The following POLR3B variants were observed in gnomAD, a reference collection of about 807,000 sequenced individuals.
POLR3B encodes RNA polymerase III subunit B, also known as DNA-directed RNA polymerase III subunit RPC2.
In POLR3B, 96 loss-of-function variants were observed where a neutral mutation model predicts 147.4. That is an observed-to-expected ratio of 0.65 (90% confidence interval 0.55 to 0.77). The LOEUF (loss-of-function observed/expected upper bound fraction) is 0.77, where lower values mean the gene tolerates loss of function less well. Ranked by LOEUF, POLR3B falls within the 30% of genes least tolerant of loss-of-function variation. The pLI, the probability that POLR3B is intolerant of heterozygous loss-of-function variation, is 0.00. For synonymous variants in POLR3B, 461 were observed against 485.9 expected (o/e 0.95, Z 0.67); for missense variants, 1,036 against 1,413.5 (o/e 0.73, Z 4.28).
chr12:106,433,600 A>G, intron 15 of POLR3B, 119 bp from the exon 16 acceptor site: 1 of 765,434 alleles, frequency 1.3e-6, no homozygotes, highest in Admixed American at 2.5e-5. Flanking sequence ...TGCAGGTGTT[A>G]ATAATGGTAT....
intron 12 of POLR3B, among the ~76,000 whole-genome samples, chr12:106,416,732 C>T (rs1285855153): frequency 6.6e-6 from 1 of 152,160 alleles, no homozygotes; most frequent in African/African-American, 2.4e-5. Flanking sequence ...AATTCATAAG[C>T]ACAGTTTCCT....
At chr12:106,451,202 G>C (rs2037789938) in intron 19 of POLR3B, among the ~76,000 whole-genome samples, 1 of 152,122 alleles carries the variant, frequency 6.6e-6, no homozygotes, top group Non-Finnish European at 1.5e-5. Flanking sequence ...TCTGAATCTT[G>C]ACTATAGTGG....
intron 23 of POLR3B, among the ~76,000 whole-genome samples, chr12:106,483,888 C>A (rs1289179997): frequency 6.6e-6 from 1 of 152,184 alleles, no homozygotes; most frequent in Non-Finnish European, 1.5e-5. Context: ...TTAAAGAAAG[C>A]CCTCGGATTG....
rs11112952 is a variant in POLR3B, at chr12:106,369,950, G to A, written c.404+267G>A. 0.38 allele frequency among the ~76,000 whole-genome samples: 57,761 copies of A among 151,800 alleles called. 12,792 individuals are homozygous for A. Among genetic ancestry groups the A allele is most frequent in the African/African-American group, 0.61 (25,336 of 41,378 alleles). ...TGCTAGGGAACCACTAGATACAATA[G>A]CCTTTCAGTGAACTCTCCTGGACAG... is the stretch of plus-strand genomic sequence containing the variant. On this transcript the variant is annotated intron_variant, in intron 6 of 27. Coordinates refer to ENST00000228347, the MANE Select transcript of POLR3B (RefSeq NM_018082.6).
At chr12:106,434,719 G>T (rs187335006) in intron 16 of POLR3B, among the ~76,000 whole-genome samples, 1 of 152,180 alleles carries the variant, frequency 6.6e-6, no homozygotes, top group African/African-American at 2.4e-5. Flanking sequence ...GCACAAGGCA[G>T]TGAGCCAGCA....
At chr12:106,367,217 A>G (rs1009213624) in intron 4 of POLR3B, among the ~76,000 whole-genome samples, 1 of 152,246 alleles carries the variant, frequency 6.6e-6, no homozygotes, top group Non-Finnish European at 1.5e-5. Context: ...TTTTGAAACT[A>G]TTAGGTTTTA....
chr12:106,458,663 C>T (rs145466899), intron 21 of POLR3B, among the ~76,000 whole-genome samples: 24 of 152,184 alleles, frequency 1.6e-4, no homozygotes, highest in East Asian at 1.2e-3. Flanking sequence ...ACACAGAGTA[C>T]GCGACTTCTC....
chr12:106,468,191 G>A (rs964237083), intron 23 of POLR3B, among the ~76,000 whole-genome samples: 1 of 152,194 alleles, frequency 6.6e-6, no homozygotes, highest in Non-Finnish European at 1.5e-5. Flanking sequence ...GAGGGTGTAT[G>A]TGTCCAGGAA....
At chr12:106,381,544 C>T (rs2036763755) in intron 9 of POLR3B, among the ~76,000 whole-genome samples, 1 of 152,186 alleles carries the variant, frequency 6.6e-6, no homozygotes, top group South Asian at 2.1e-4. Context: ...CATGAGATTA[C>T]ACCAATTCAG....
chr12:106,462,618 G>T (rs551817656), intron 22 of POLR3B, among the ~76,000 whole-genome samples: 2 of 152,338 alleles, frequency 1.3e-5, no homozygotes, highest in East Asian at 3.9e-4. Flanking sequence ...AAGTAAAAGT[G>T]TGAACGACAG....
chr12:106,492,803 A>G (rs1002012631), intron 23 of POLR3B, among the ~76,000 whole-genome samples: 1 of 152,158 alleles, frequency 6.6e-6, no homozygotes, highest in Non-Finnish European at 1.5e-5. Context: ...AGAAATTAAG[A>G]TGGATGGTGA....
At chr12:106,388,579 G>A (rs890466625) in intron 9 of POLR3B, among the ~76,000 whole-genome samples, 3 of 152,154 alleles carry the variant, frequency 2.0e-5, no homozygotes, top group African/African-American at 4.8e-5. Flanking sequence ...GCCTCCCAAA[G>A]TGCTGGGATT....
intron 19 of POLR3B, among the ~76,000 whole-genome samples, chr12:106,445,134 C>T (rs192388418): frequency 3.9e-5 from 6 of 152,150 alleles, no homozygotes; most frequent in Non-Finnish European, 8.8e-5. Context: ...TTTGTCTTCT[C>T]TTTCATCTAT....
At chr12:106,466,738 G>A (rs914879866) in intron 23 of POLR3B, among the ~76,000 whole-genome samples, 2 of 152,132 alleles carry the variant, frequency 1.3e-5, no homozygotes, top group South Asian at 2.1e-4. Flanking sequence ...TGTGTGTCAG[G>A]TTTATCAAAG....
intron 10 of POLR3B, among the ~76,000 whole-genome samples, chr12:106,401,126 A>G (rs973421144): frequency 1.3e-5 from 2 of 152,336 alleles, no homozygotes; most frequent in Admixed American, 1.3e-4. Flanking sequence ...ACGCAATAAA[A>G]AGTGATAAAG....
chr12:106,374,049 G>A (rs1159903603), intron 6 of POLR3B, among the ~76,000 whole-genome samples: 1 of 151,056 alleles, frequency 6.6e-6, no homozygotes, highest in African/African-American at 2.4e-5. Context: ...ATTTCTGATT[G>A]TTTATGTTTA....
intron 16 of POLR3B, among the ~76,000 whole-genome samples, chr12:106,436,412 T>C (rs2137008128): frequency 6.6e-6 from 1 of 152,302 alleles, no homozygotes; most frequent in East Asian, 1.9e-4. Flanking sequence ...TTCCACCCAT[T>C]ACGTCACTGA....
intron 23 of POLR3B, among the ~76,000 whole-genome samples, chr12:106,468,325 A>G (rs1281520448): frequency 1.3e-5 from 2 of 151,810 alleles, no homozygotes; most frequent in East Asian, 1.9e-4. Context: ...TATTGCATCT[A>G]TTTGATTCTT....
At chr12:106,361,230 T>C (rs1414322048) in intron 1 of POLR3B, among the ~76,000 whole-genome samples, 1 of 152,138 alleles carries the variant, frequency 6.6e-6, no homozygotes, top group Non-Finnish European at 1.5e-5. Flanking sequence ...TGAAAGATTA[T>C]GAGGGCCTCA....
Sources: allele counts gnomAD v4.1 joint callset (sites outside exome capture counted in the v4.1 genomes callset), GRCh38; gene constraint gnomAD v4.1.1; transcripts MANE v1.5; gene names NCBI Gene and HGNC (gene_info 2026-07-23, HGNC 2026-07-21).